PLCH1: variants seen among roughly 807,000 people sequenced by gnomAD.
The protein encoded by PLCH1 is 1-phosphatidylinositol 4,5-bisphosphate phosphodiesterase eta-1.
Under a neutral mutation model 126.7 loss-of-function variants are expected in PLCH1, and 60 were observed. The observed-to-expected ratio is 0.47, with a 90% CI of 0.38 to 0.59. The LOEUF (loss-of-function observed/expected upper bound fraction) is 0.59. Ranked by LOEUF, PLCH1 falls within the 20% of genes least tolerant of loss-of-function variation. The pLI is 0.00. For missense variants in PLCH1, 1,723 were observed against 2,040.0 expected, an observed-to-expected ratio of 0.84 and a Z score of 2.99; for synonymous variants, 719 against 734.9, an observed-to-expected ratio of 0.98 and a Z score of 0.35.
chr3:155,639,239 A>T (rs1739102459), intron 2 of PLCH1, among the ~76,000 whole-genome samples: 1 of 152,132 alleles, frequency 6.6e-6, no homozygotes, highest in Non-Finnish European at 1.5e-5. Context: ...CGGGAAGATC[A>T]CTTGAGCCCA....
At chr3:155,503,856 T>C (rs1382625309) in intron 13 of PLCH1, among the ~76,000 whole-genome samples, 1 of 152,188 alleles carries the variant, frequency 6.6e-6, no homozygotes, top group East Asian at 1.9e-4. Flanking sequence ...TCTTTTGACA[T>C]ATACCTAACA....
At chr3:155,618,576 T>A (rs1736074426) in intron 2 of PLCH1, among the ~76,000 whole-genome samples, 1 of 152,244 alleles carries the variant, frequency 6.6e-6, no homozygotes, top group Non-Finnish European at 1.5e-5. Flanking sequence ...ACTAAAAGTC[T>A]GTTTGCCTTA....
intron 8 of PLCH1, among the ~76,000 whole-genome samples, chr3:155,561,867 T>G (rs1727679500): frequency 6.6e-6 from 1 of 152,120 alleles, no homozygotes; most frequent in Non-Finnish European, 1.5e-5. Flanking sequence ...CTGCAACCTC[T>G]GCCTCCTGGG....
intron 2 of PLCH1, among the ~76,000 whole-genome samples, chr3:155,685,741 T>C (rs358902): frequency 0.2 from 30,687 of 152,088 alleles, 3,477 homozygotes; most frequent in East Asian, 0.45. Context: ...TTAAGCAGGA[T>C]GAGCTACATA....
At chr3:155,657,688 G>A (rs544157191) in intron 2 of PLCH1, 74 of 152,234 alleles carry the variant, frequency 4.9e-4, no homozygotes, top group African/African-American at 1.8e-3. Flanking sequence ...CATTATTTAC[G>A]CTTTAAACTT....
At chr3:155,611,245 C>T (rs964839326) in intron 2 of PLCH1, among the ~76,000 whole-genome samples, 1 of 151,842 alleles carries the variant, frequency 6.6e-6, no homozygotes, top group Admixed American at 6.6e-5. Context: ...AAAAATTAGC[C>T]AGGCATCGTG....
Position 155,481,466 on chromosome 3 carries a change from G to A in PLCH1, c.4560C>T (p.Gly1520=), listed in dbSNP as rs369115422. The A allele has an allele frequency of 2.4e-5, 39 of 1,614,020 alleles. No individual in the cohort carries two copies. The highest frequency in any genetic ancestry group is 1.3e-4 in the Admixed American group (8 of 60,000). The change falls in exon 23 of 23, where the codon GGC becomes GGT. Residue 1520 remains glycine, a synonymous_variant. Coordinates refer to ENST00000460012, the MANE Select transcript of PLCH1 (RefSeq NM_014996.4). The surrounding 1 kb of genome is among the most constrained non-coding windows in gnomAD (Gnocchi z 4.2). The part of the protein sequence containing the change: ...FVTTGIRDKK[G]VTVKTKSLEP... ...CTAACGACTTTGTCTTCACAGTCAC[G>A]CCCTTCTTGTCTCTAATGCCAGTTG...
At chr3:155,495,339 T>C (rs758234436) in intron 15 of PLCH1, among the ~76,000 whole-genome samples, 8 of 152,142 alleles carry the variant, frequency 5.3e-5, no homozygotes, top group Middle Eastern at 6.3e-3. Context: ...ACATTTAATA[T>C]TCCACTCTTG....
chr3:155,482,269 G>A lies in PLCH1; in HGVS notation c.3757C>T (p.Leu1253Phe). Residue 1253 changes from leucine to phenylalanine, a missense_variant, in exon 23 of 23, where the codon CTC becomes TTC. Around this residue, in one of 2 missense-constraint regions of PLCH1, gnomAD observed 947 missense variants for 977.1 expected, o/e 0.97. Coordinates refer to ENST00000460012, the MANE Select transcript of PLCH1 (RefSeq NM_014996.4). ...FLCSSPELIA[L>F]SSSETTKHAT... ...TGTTTGGTGGTCTCAGAACTCGAGA[G>A]TGCTATCAGCTCCGGAGATGAGCAC... 1 of 1,614,162 alleles carries A rather than the reference G, an allele frequency of 6.2e-7. No individual in the cohort carries two copies. Among genetic ancestry groups the A allele is most frequent in the Non-Finnish European group, 8.5e-7 (1 of 1,180,022 alleles).
At chr3:155,603,139 AAAC>A (rs1226941232) in intron 2 of PLCH1, among the ~76,000 whole-genome samples, 3 of 119,610 alleles carry the variant, frequency 2.5e-5, no homozygotes, top group African/African-American at 4.9e-5. Flanking sequence ...GCAGGCACAA[AAAC>A]AACAACAACA....
intron 2 of PLCH1, among the ~76,000 whole-genome samples, chr3:155,674,826 T>C (rs1743933436): frequency 6.6e-6 from 1 of 152,178 alleles, no homozygotes; most frequent in African/African-American, 2.4e-5. Flanking sequence ...GATCATCTTA[T>C]GTGGTAAAGG....
Position 155,549,885 on chromosome 3 carries a change from C to G in PLCH1, c.1264G>C (p.Gly422Arg), listed in dbSNP as rs184204892. ...AGGTCCAGTTTGTCTCCGAATATTCCTTTCAGGTACTGAGCAATCTTCCTT... is the reference window on the plus strand; with the variant it reads ...AGGTCCAGTTTGTCTCCGAATATTCGTTTCAGGTACTGAGCAATCTTCCTT... ...QQRKIAQYLK[G>R]IFGDKLDLSS... is the part of the protein sequence containing the mutation. Residue 422 changes from glycine (G) to arginine (R), a missense_variant, in exon 10 of 23, where the codon GGA becomes CGA. Coordinates refer to ENST00000460012, the MANE Select transcript of PLCH1 (RefSeq NM_014996.4). 2.9e-4 allele frequency: 473 copies of G among 1,613,470 alleles called. 1 individual carries two copies. In the East Asian group the frequency reaches 9.1e-3, roughly 31 times the overall value.
chr3:155,529,406 G>A (rs1722370712), intron 10 of PLCH1, among the ~76,000 whole-genome samples: 1 of 150,930 alleles, frequency 6.6e-6, no homozygotes, highest in African/African-American at 2.4e-5. Flanking sequence ...TTTTTCATAA[G>A]CAACGTTTTA....
chr3:155,689,829 AG>A (rs1479504162), intron 2 of PLCH1, among the ~76,000 whole-genome samples: 8 of 152,152 alleles, frequency 5.3e-5, no homozygotes, highest in Non-Finnish European at 1.0e-4. Flanking sequence ...GGCCTTAAAG[AG>A]GAAGTAGAGA....
At chr3:155,488,156 G>T in intron 20 of PLCH1, 49 bp from the exon 21 acceptor site, 1 of 1,126,248 alleles carries the variant, frequency 8.9e-7, no homozygotes, top group Non-Finnish European at 1.3e-6. Flanking sequence ...CTTGCATTTG[G>T]CTTTCTCATG....
rs146459549 is a variant in PLCH1 at position 155,637,474 on chromosome 3, A to C, written c.80-41096T>G. ...GGATGAGCAAAATAAAATGCCATGTAGATAAGGATCCATATCTGTAGATAA... is the reference window on the plus strand; with the variant it reads ...GGATGAGCAAAATAAAATGCCATGTCGATAAGGATCCATATCTGTAGATAA... On this transcript the variant is annotated intron_variant, in intron 2 of 22. Coordinates refer to ENST00000460012, the MANE Select transcript of PLCH1 (RefSeq NM_014996.4). 6.5e-3 allele frequency among the ~76,000 whole-genome samples: 989 copies of C among 151,186 alleles called. 16 individuals are homozygous for C. Among genetic ancestry groups the C allele is most frequent in the African/African-American group, 0.023 (935 of 40,454 alleles).
chr3:155,462,020 A>T (rs549936969), intron 21 of PLCH1, among the ~76,000 whole-genome samples: 1 of 152,352 alleles, frequency 6.6e-6, no homozygotes, highest in Non-Finnish European at 1.5e-5. Flanking sequence ...CTACGATCTT[A>T]TATCTGCTGT....
In PLCH1 at chr3:155,485,477, C is replaced by T. The variant is rs1181353694; in HGVS notation, c.2853G>A (p.Arg951=). 2 of 1,614,034 alleles carry T rather than the reference C, an allele frequency of 1.2e-6. No homozygotes were observed. The highest frequency in any genetic ancestry group is 1.7e-6 in the Non-Finnish European group (2 of 1,179,910). Residue 951 remains arginine, a synonymous_variant, in exon 22 of 23, where the codon AGG becomes AGA. Coordinates refer to ENST00000460012, the MANE Select transcript of PLCH1 (RefSeq NM_014996.4). ...ATRDQDGVLR[R]TTRSLQARPV... ...GGCGTGCTTGCAAACTGCGTGTGGT[C>T]CTCCTCAGCACGCCATCTTGATCTC...
At chr3:155,714,485 A>T (rs1386228799) in intron 1 of PLCH1, among the ~76,000 whole-genome samples, 1 of 152,244 alleles carries the variant, frequency 6.6e-6, no homozygotes, top group African/African-American at 2.4e-5. Context: ...AGGCCTCTGC[A>T]AACAGCCTAA....
Sources: allele counts gnomAD v4.1 joint callset (sites outside exome capture counted in the v4.1 genomes callset), GRCh38; gene constraint gnomAD v4.1.1; regional missense constraint gnomAD v4.1.1; non-coding constraint Gnocchi (gnomAD v3.1); transcripts MANE v1.5; gene names NCBI Gene and HGNC (gene_info 2026-07-23, HGNC 2026-07-21).